DTHD1: variants seen among roughly 807,000 people sequenced by gnomAD.
DTHD1 encodes death domain containing 1, also known as death domain-containing protein 1.
DTHD1 carries 59 observed loss-of-function variants against 74.8 expected under a neutral mutation model. That is an observed-to-expected ratio of 0.79 (90% CI 0.64 to 0.98). DTHD1 has a LOEUF of 0.98. Among genes scored for constraint, DTHD1 ranks in the 50% least tolerant of loss-of-function variants. The pLI is 0.00. For missense variants in DTHD1, 1,051 were observed against 1,065.4 expected (o/e 0.99, Z 0.19); for synonymous variants, 365 against 371.1 (o/e 0.98, Z 0.19).
At chr4:36,292,876 C>G (rs191803486) in intron 3 of DTHD1, among the ~76,000 whole-genome samples, 1 of 152,144 alleles carries the variant, frequency 6.6e-6, no homozygotes, top group East Asian at 1.9e-4. Flanking sequence ...CATTTATGTA[C>G]GCAGTTCCCT....
intron 8 of DTHD1, among the ~76,000 whole-genome samples, chr4:36,324,301 T>C (rs188803589): frequency 6.6e-6 from 1 of 152,182 alleles, no homozygotes; most frequent in East Asian, 1.9e-4. Context: ...CCTTCAACTC[T>C]TGGCTTTAAA....
At chr4:36,292,158 G>C (rs138457023) in intron 3 of DTHD1, among the ~76,000 whole-genome samples, 1 of 152,198 alleles carries the variant, frequency 6.6e-6, no homozygotes, top group African/African-American at 2.4e-5. Flanking sequence ...GAAGTTTATA[G>C]GTATGATAGT....
At chr4:36,326,110 C>T (rs17518919) in intron 8 of DTHD1, among the ~76,000 whole-genome samples, 5,216 of 152,142 alleles carry the variant, frequency 0.034, 145 homozygotes, top group South Asian at 0.13. Flanking sequence ...TACTTAAAGC[C>T]TCACTTCTCT....
chr4:36,301,350 T>C (rs554579469), intron 5 of DTHD1, among the ~76,000 whole-genome samples: 1 of 152,294 alleles, frequency 6.6e-6, no homozygotes, highest in Non-Finnish European at 1.5e-5. Flanking sequence ...AAGAGGCTGA[T>C]CATAATTCCC....
intron 5 of DTHD1, among the ~76,000 whole-genome samples, chr4:36,301,031 G>C (rs142760583): frequency 2.1e-4 from 32 of 152,230 alleles, no homozygotes; most frequent in African/African-American, 6.3e-4. Context: ...ATTCCCAATA[G>C]TGTCTATTTC....
intron 1 of DTHD1, 83 bp from the exon 2 acceptor site, chr4:36,283,893 A>G (rs1755539766): frequency 1.5e-5 from 15 of 986,278 alleles, no homozygotes; most frequent in Non-Finnish European, 2.0e-5. Context: ...TTATCTTGCC[A>G]TGTTTCATTA....
intron 8 of DTHD1, among the ~76,000 whole-genome samples, chr4:36,324,529 A>AT (rs1411684933): frequency 1.3e-5 from 2 of 152,216 alleles, no homozygotes; most frequent in Non-Finnish European, 2.9e-5. Context: ...ACTCAAACAG[A>AT]TTTTAGTTTA....
At chr4:36,289,006 T>C (rs774511043) in intron 2 of DTHD1, among the ~76,000 whole-genome samples, 2 of 152,220 alleles carry the variant, frequency 1.3e-5, no homozygotes, top group Admixed American at 6.5e-5. Context: ...GAGTTTAGAA[T>C]TGTAAACATA....
At chr4:36,335,097 TA>T (rs1308715508) in intron 8 of DTHD1, among the ~76,000 whole-genome samples, 1 of 152,228 alleles carries the variant, frequency 6.6e-6, no homozygotes, top group East Asian at 1.9e-4. Context: ...GTATAGTGCA[TA>T]AATTCCCAAA....
intron 8 of DTHD1, among the ~76,000 whole-genome samples, chr4:36,331,974 A>G (rs1391605623): frequency 6.6e-6 from 1 of 152,180 alleles, no homozygotes; most frequent in Non-Finnish European, 1.5e-5. Context: ...TGACCGCACA[A>G]GGAACAATTA....
intron 8 of DTHD1, among the ~76,000 whole-genome samples, chr4:36,335,222 T>A (rs1453671581): frequency 6.6e-6 from 1 of 151,932 alleles, no homozygotes; most frequent in South Asian, 2.1e-4. Flanking sequence ...TGAATACAAA[T>A]TTTTGTTAAG....
At chr4:36,307,362 A>G (rs1757120944) in intron 6 of DTHD1, among the ~76,000 whole-genome samples, 1 of 152,202 alleles carries the variant, frequency 6.6e-6, no homozygotes, top group Non-Finnish European at 1.5e-5. Context: ...CTTGGCTTGT[A>G]GATGGCCATC....
At position 36,306,298 on chromosome 4, in the gene DTHD1, T is replaced by C. The variant is rs1444640290; in HGVS notation, c.1751T>C (p.Val584Ala). Reference sequence around the variant, plus strand: ...GGTTGGTGTGGGCTTGATGATGTTGTGAAAACCATACAGAGCGGCTTGGTA... The same window carrying C: ...GGTTGGTGTGGGCTTGATGATGTTGCGAAAACCATACAGAGCGGCTTGGTA... ...DSGWCGLDDVVKTIQSGLVSV... is the reference protein window; with the variant it reads ...DSGWCGLDDVAKTIQSGLVSV... Residue 584 changes from valine to alanine, a missense_variant, in exon 6 of 10, where the codon GTG becomes GCG. Val to Ala is a moderately conservative substitution (Grantham distance 64). Transcript: ENST00000639862. 6.4e-7 allele frequency: 1 copy of C among 1,551,664 alleles called. No homozygotes were observed. Among genetic ancestry groups the C allele is most frequent in the South Asian group, 1.2e-5 (1 of 84,060 alleles).
At chr4:36,321,556 C>T (rs953870700) in intron 8 of DTHD1, among the ~76,000 whole-genome samples, 1 of 152,050 alleles carries the variant, frequency 6.6e-6, no homozygotes, top group Non-Finnish European at 1.5e-5. Context: ...TCAAGGCTCC[C>T]GCTGATTCTA....
intron 7 of DTHD1, among the ~76,000 whole-genome samples, chr4:36,309,782 CAAAT>C (rs984703360): frequency 2.6e-5 from 4 of 152,140 alleles, no homozygotes; most frequent in Non-Finnish European, 4.4e-5. Flanking sequence ...CATTGACTGA[CAAAT>C]AAACTATCAT....
intron 8 of DTHD1, among the ~76,000 whole-genome samples, chr4:36,336,623 G>C (rs912726280): frequency 1.3e-5 from 2 of 152,144 alleles, no homozygotes; most frequent in Non-Finnish European, 2.9e-5. Context: ...TGGGCTGTTT[G>C]TAACTCCCCC....
intron 8 of DTHD1, among the ~76,000 whole-genome samples, chr4:36,325,694 G>A (rs1378620523): frequency 3.9e-5 from 6 of 152,174 alleles, no homozygotes; most frequent in Non-Finnish European, 7.4e-5. Context: ...AGAGGAAGTC[G>A]TGAAGGGGAT....
intron 8 of DTHD1, among the ~76,000 whole-genome samples, chr4:36,332,518 A>G (rs1163927249): frequency 1.3e-5 from 2 of 152,164 alleles, no homozygotes; most frequent in Non-Finnish European, 2.9e-5. Flanking sequence ...GCTGGTCCAC[A>G]ATGGCAATTG....
chr4:36,301,684 C>T (rs1756781233), intron 5 of DTHD1, among the ~76,000 whole-genome samples: 1 of 152,150 alleles, frequency 6.6e-6, no homozygotes, highest in Non-Finnish European at 1.5e-5. Flanking sequence ...GCCAATACAT[C>T]TACTTATCTG....
Sources: gnomAD v4.1 joint callset for allele counts (sites outside exome capture counted in the v4.1 genomes callset) on GRCh38, gnomAD v4.1.1 for gene constraint, MANE v1.5 for transcripts, NCBI Gene and HGNC (gene_info 2026-07-23, HGNC 2026-07-21) for gene names.